Variants in COL5A1 observed in about 807,000 individuals in gnomAD.
COL5A1 encodes collagen type V alpha 1 chain.
In COL5A1, 16 loss-of-function variants were observed where a neutral mutation model predicts 263.7. That is an observed-to-expected ratio of 0.06 (90% CI 0.04 to 0.09). The LOEUF (loss-of-function observed/expected upper bound fraction) is 0.09. Among genes scored for constraint, COL5A1 ranks in the 10% least tolerant of loss-of-function variants. The pLI is 1.00. For synonymous variants in COL5A1, 1,012 were observed against 1,004.5 expected, an observed-to-expected ratio of 1.01 and a Z score of -0.14; for missense variants, 2,036 against 2,540.5, an observed-to-expected ratio of 0.80 and a Z score of 4.27.
intron 1 of COL5A1, among the ~76,000 whole-genome samples, chr9:134,658,473 C>G (rs1432357478): frequency 6.6e-6 from 1 of 152,212 alleles, no homozygotes; most frequent in African/African-American, 2.4e-5. Flanking sequence ...GTCCCCCCGC[C>G]CCTGCTGGGC....
At chr9:134,688,197 A>C (rs1384502471) in intron 1 of COL5A1, among the ~76,000 whole-genome samples, 1 of 152,216 alleles carries the variant, frequency 6.6e-6, no homozygotes, top group Non-Finnish European at 1.5e-5. Context: ...CATGTCCACC[A>C]AGCCTGCTGG....
chr9:134,772,155 G>A (rs1397246415), intron 25 of COL5A1, among the ~76,000 whole-genome samples: 2 of 152,144 alleles, frequency 1.3e-5, no homozygotes, highest in Admixed American at 6.5e-5. Context: ...GGTCTCAAAC[G>A]AGGCAGCTGT....
intron 65 of COL5A1, among the ~76,000 whole-genome samples, chr9:134,838,849 GGGTGGAAA>G (rs1269251642): frequency 6.6e-6 from 1 of 152,238 alleles, no homozygotes; most frequent in Non-Finnish European, 1.5e-5. Flanking sequence ...CAGGTGGTTT[GGGTGGAAA>G]GGTGGGCAGT....
At position 134,686,459 on chromosome 9, in the gene COL5A1, C is replaced by T. The variant is rs75735676; in HGVS notation, c.110-4453C>T. ...TAGAGACGGGGTTTTACCATGTTGC[C>T]CAGGTTGATCTCCAACTCCCGAGCT... On this transcript the variant is annotated intron_variant, in intron 1 of 65. Transcript: ENST00000371817. This position sits in a 1 kb window ranked among gnomAD's most constrained non-coding sequence, Gnocchi z 4.6. 0.014 allele frequency among the ~76,000 whole-genome samples: 2,118 copies of T among 152,172 alleles called. 16 individuals carry two copies. The highest frequency in any genetic ancestry group is 0.022 in the Non-Finnish European group (1,500 of 68,010).
At chr9:134,653,330 G>C (rs1472245902) in intron 1 of COL5A1, 1 of 152,722 alleles carries the variant, frequency 6.5e-6, no homozygotes, top group African/African-American at 2.4e-5. Context: ...TCTTATTATG[G>C]GAAGGCTCAG....
intron 1 of COL5A1, among the ~76,000 whole-genome samples, chr9:134,658,384 GC>G (rs887014233): frequency 6.6e-4 from 100 of 152,288 alleles, no homozygotes; most frequent in African/African-American, 2.4e-3. Flanking sequence ...TTTTCTGGCT[GC>G]CCGGGTCTCC....
chr9:134,785,122 C>T, intron 30 of COL5A1, 26 bp downstream of exon 30: 2 of 1,583,792 alleles, frequency 1.3e-6, no homozygotes, highest in Non-Finnish European at 1.7e-6. Flanking sequence ...CGTTCAGCCA[C>T]TTTCTTGGGA....
chr9:134,786,779 A>G (rs1837474330), intron 31 of COL5A1, among the ~76,000 whole-genome samples: 1 of 152,190 alleles, frequency 6.6e-6, no homozygotes, highest in African/African-American at 2.4e-5. Context: ...TGGAGACATA[A>G]TTAACAGCCG....
intron 1 of COL5A1, among the ~76,000 whole-genome samples, chr9:134,673,459 C>CAAAAAAAAAAAAA (rs35466442): frequency 9.7e-6 from 1 of 103,078 alleles, no homozygotes; most frequent in Non-Finnish European, 2.1e-5. Context: ...GACTCCATCT[C>CAAAAAAAAAAAAA]AAAAAAAAAA....
chr9:134,702,582 C>T (rs568608232), intron 4 of COL5A1, among the ~76,000 whole-genome samples: 2 of 152,332 alleles, frequency 1.3e-5, no homozygotes, highest in South Asian at 2.1e-4. Context: ...TAGTTCATTT[C>T]TGTGTTAAAG....
At chr9:134,644,589 CG>C (rs368886230) in intron 1 of COL5A1, among the ~76,000 whole-genome samples, 4 of 83,970 alleles carry the variant, frequency 4.8e-5, no homozygotes, top group African/African-American at 1.3e-4. Context: ...GAGGCAGGCG[CG>C]GGGGGGAGCC....
rs190029183 is a variant in COL5A1, at chr9:134,682,692, G to T, written c.110-8220G>T. Among the ~76,000 whole-genome samples the T allele has an allele frequency of 6.6e-6, 1 of 152,232 alleles. No homozygotes were observed. The highest frequency in any genetic ancestry group is 6.5e-5 in the Admixed American group (1 of 15,296). ...CTCCGGCTCAGGGGGGCACCGGGAC[G>T]GGGGAGCTGAGGAAAAGTCACCCCC... On this transcript the variant is annotated intron_variant, in intron 1 of 65. Transcript: ENST00000371817. The surrounding 1 kb of genome is among the most constrained non-coding windows in gnomAD (Gnocchi z 5.1).
rs60113422 is a variant in COL5A1, at chr9:134,821,520, C to T, written c.4555-577C>T. On this transcript the variant is annotated intron_variant, in intron 58 of 65. Coordinates refer to ENST00000371817, the MANE Select transcript of COL5A1 (RefSeq NM_000093.5). This position sits in a 1 kb window ranked among gnomAD's most constrained non-coding sequence, Gnocchi z 4.2. ...GAGGCTGCAGGTGGCTCCAGCTGCCCGTGGCAAAGCTGGTCAAAGCTGTTC... is the reference window on the plus strand; with the variant it reads ...GAGGCTGCAGGTGGCTCCAGCTGCCTGTGGCAAAGCTGGTCAAAGCTGTTC... 0.041 allele frequency among the ~76,000 whole-genome samples: 6,305 copies of T among 152,278 alleles called. 179 individuals are homozygous for T. Among genetic ancestry groups the T allele is most frequent in the African/African-American group, 0.086 (3,590 of 41,554 alleles).
At chr9:134,666,192 A>G (rs1482467777) in intron 1 of COL5A1, among the ~76,000 whole-genome samples, 2 of 152,258 alleles carry the variant, frequency 1.3e-5, no homozygotes, top group Non-Finnish European at 2.9e-5. Context: ...TGCTCCGAAA[A>G]TAGGAGTGTG....
At chr9:134,675,555 G>A (rs554341847) in intron 1 of COL5A1, among the ~76,000 whole-genome samples, 15 of 152,194 alleles carry the variant, frequency 9.9e-5, no homozygotes, top group African/African-American at 2.2e-4. Context: ...CTATTGCTGC[G>A]GAACAATCAC....
chr9:134,788,484 A>G (rs1303918055), intron 31 of COL5A1, among the ~76,000 whole-genome samples: 2 of 142,658 alleles, frequency 1.4e-5, no homozygotes, highest in Non-Finnish European at 3.0e-5. Flanking sequence ...CAGTGGGTGG[A>G]TAGGTGGGTG....
At chr9:134,745,390 A>G (rs1378835285) in intron 11 of COL5A1, among the ~76,000 whole-genome samples, 1 of 152,164 alleles carries the variant, frequency 6.6e-6, no homozygotes, top group East Asian at 1.9e-4. Flanking sequence ...AGGGTCTGCC[A>G]GGGTGTTCAT....
rs145757313 is a variant in COL5A1, at chr9:134,700,040, G to T, written c.409G>T (p.Val137Phe). 5 of 1,613,332 alleles carry T rather than the reference G, an allele frequency of 3.1e-6. 1 individual carries two copies. Among genetic ancestry groups the T allele is most frequent in the Non-Finnish European group, 4.2e-6 (5 of 1,180,034 alleles). ...TGGGCTGGAGCTGGGCCGCTCTCCC[G>T]TCTTCCTCTACGAGGACCACACGGG... ...QIGLELGRSP[V>F]FLYEDHTGKP... is the part of the protein sequence containing the mutation. The change falls in exon 3 of 66, where the codon GTC becomes TTC. Residue 137 changes from valine to phenylalanine, a missense_variant. This residue lies in a region of COL5A1 where 600 missense variants were observed against 634.5 expected (regional missense o/e 0.95). Transcript: ENST00000371817. This position sits in a 1 kb window ranked among gnomAD's most constrained non-coding sequence, Gnocchi z 4.0.
At chr9:134,799,123 C>T (rs1838022092) in intron 37 of COL5A1, among the ~76,000 whole-genome samples, 1 of 152,170 alleles carries the variant, frequency 6.6e-6, no homozygotes, top group Non-Finnish European at 1.5e-5. Context: ...TCAGAGACTC[C>T]CCTTTGACCT....
Sources: gnomAD v4.1 joint callset for allele counts (sites outside exome capture counted in the v4.1 genomes callset) on GRCh38, gnomAD v4.1.1 for gene constraint, gnomAD v4.1.1 regional missense constraint, Gnocchi (gnomAD v3.1) non-coding constraint, MANE v1.5 for transcripts, NCBI Gene and HGNC (gene_info 2026-07-23, HGNC 2026-07-21) for gene names.